Variants in PRKN observed in about 807,000 individuals in gnomAD.
PRKN encodes parkin RBR E3 ubiquitin protein ligase, also known as E3 ubiquitin-protein ligase parkin.
A neutral mutation model predicts 59.5 loss-of-function variants in PRKN; 56 were observed. The observed-to-expected ratio is 0.94, with a 90% CI of 0.76 to 1.18. PRKN has a LOEUF of 1.18. Ranked by LOEUF, PRKN falls within the 50% of genes most tolerant of loss-of-function variation. The pLI is 0.00. For missense variants in PRKN, 657 were observed against 596.4 expected (o/e 1.10, Z -1.06); for synonymous variants, 250 against 222.1 (o/e 1.13, Z -1.12).
chr6:162,505,900 G>C (rs1485298124), intron 1 of PRKN, among the ~76,000 whole-genome samples: 1 of 152,194 alleles, frequency 6.6e-6, no homozygotes, highest in Non-Finnish European at 1.5e-5. Flanking sequence ...GCACAGCCAA[G>C]TCAGTGTTTC....
rs764228296 is a variant in PRKN, at chr6:161,458,232, T to G, written c.1084-71355A>C. ...GCTAAAGAAGGCCTGGTGTCTCTGC[T>G]GCCACTTACAGATTTCAGAAACGTG... On this transcript the variant is annotated intron_variant, in intron 9 of 11. Transcript: ENST00000366898. The surrounding 1 kb of genome is among the most constrained non-coding windows in gnomAD (Gnocchi z 6.1). Among the ~76,000 whole-genome samples, 6 of 152,228 alleles carry G rather than the reference T, an allele frequency of 3.9e-5. No homozygotes were observed. Among genetic ancestry groups the G allele is most frequent in the Non-Finnish European group, 8.8e-5 (6 of 68,046 alleles).
intron 4 of PRKN, among the ~76,000 whole-genome samples, chr6:162,186,519 C>T (rs1784041561): frequency 6.6e-6 from 1 of 152,050 alleles, no homozygotes; most frequent in African/African-American, 2.4e-5. Context: ...GGAAAGACTC[C>T]ACTCAGAGAG....
At chr6:161,494,497 G>T (rs1777671833) in intron 9 of PRKN, among the ~76,000 whole-genome samples, 1 of 152,224 alleles carries the variant, frequency 6.6e-6, no homozygotes, top group African/African-American at 2.4e-5. Flanking sequence ...TTTCTATGAA[G>T]TTTAATGATC....
At chr6:161,758,043 T>C (rs925356134) in intron 7 of PRKN, among the ~76,000 whole-genome samples, 2 of 150,588 alleles carry the variant, frequency 1.3e-5, no homozygotes, top group Non-Finnish European at 1.5e-5. Flanking sequence ...ACACACTTAA[T>C]GGAATGTGAA....
intron 6 of PRKN, among the ~76,000 whole-genome samples, chr6:161,825,403 T>C (rs556182809): frequency 6.6e-6 from 1 of 152,318 alleles, no homozygotes. Flanking sequence ...AAATCTGAAC[T>C]TGTCTCTGCT....
rs117873194 is a variant in PRKN at position 162,007,406 on chromosome 6, A to C, written c.619-33989T>G. Among the ~76,000 whole-genome samples the C allele has an allele frequency of 6.8e-3, 1,037 of 152,326 alleles. 10 individuals carry two copies. Among genetic ancestry groups the C allele is most frequent in the Non-Finnish European group, 0.011 (775 of 68,036 alleles). On this transcript the variant is annotated intron_variant, in intron 5 of 11. Transcript: ENST00000366898. ...AGGCAAGAAATCAAAACTGTTGAAA[A>C]AACTTCACCGTCCCAGAGTATAATG...
intron 2 of PRKN, among the ~76,000 whole-genome samples, chr6:162,311,639 T>C (rs1029713078): frequency 6.6e-6 from 1 of 151,804 alleles, no homozygotes; most frequent in Admixed American, 6.6e-5. Flanking sequence ...CGTACCACCA[T>C]GCCCAGCTAA....
At position 161,414,282 on chromosome 6, in the gene PRKN, C is replaced by T. The variant is rs1787735072; in HGVS notation, c.1084-27405G>A. Among the ~76,000 whole-genome samples, 1 of 152,012 alleles carries T rather than the reference C, an allele frequency of 6.6e-6. No individual in the cohort carries two copies. The highest frequency in any genetic ancestry group is 2.4e-5 in the African/African-American group (1 of 41,372). On this transcript the variant is annotated intron_variant, in intron 9 of 11. Coordinates refer to ENST00000366898, the MANE Select transcript of PRKN (RefSeq NM_004562.3). The surrounding 1 kb of genome is among the most constrained non-coding windows in gnomAD (Gnocchi z 5.3). ...CTTCTCCGGAAGGCTGGAGGGTGTT[C>T]AGCGTTGTTTGTCACAGGCAGCGGC...
intron 1 of PRKN, among the ~76,000 whole-genome samples, chr6:162,642,291 G>T (rs886769256): frequency 6.6e-6 from 1 of 151,998 alleles, no homozygotes; most frequent in African/African-American, 2.4e-5. Flanking sequence ...AAATGAACAC[G>T]TTTAATGATA....
At chr6:162,191,083 A>G (rs1784258711) in intron 4 of PRKN, among the ~76,000 whole-genome samples, 2 of 152,250 alleles carry the variant, frequency 1.3e-5, no homozygotes, top group South Asian at 4.1e-4. Flanking sequence ...AATAGGGCAT[A>G]GAACAGCAGG....
At chr6:162,295,158 C>G (rs768389406) in intron 2 of PRKN, among the ~76,000 whole-genome samples, 1 of 152,164 alleles carries the variant, frequency 6.6e-6, no homozygotes, top group African/African-American at 2.4e-5. Flanking sequence ...GGGGCTTGTG[C>G]GTGACAACAT....
Position 161,442,512 on chromosome 6 carries a change from C to T in PRKN, c.1084-55635G>A, listed in dbSNP as rs1357140218. On this transcript the variant is annotated intron_variant, in intron 9 of 11. Transcript: ENST00000366898. This position sits in a 1 kb window ranked among gnomAD's most constrained non-coding sequence, Gnocchi z 4.6. ...TCTTTTGGATAATTCACATGACCTTCTCCTTAGTGGGCGAGTACAAGAAGG... is the reference window on the plus strand; with the variant it reads ...TCTTTTGGATAATTCACATGACCTTTTCCTTAGTGGGCGAGTACAAGAAGG... Among the ~76,000 whole-genome samples, 2 of 152,342 alleles carry T rather than the reference C, an allele frequency of 1.3e-5. No homozygotes were observed. The highest frequency in any genetic ancestry group is 1.3e-4 in the Admixed American group (2 of 15,306).
chr6:162,049,175 G>A (rs1423761284), intron 5 of PRKN, among the ~76,000 whole-genome samples: 1 of 151,846 alleles, frequency 6.6e-6, no homozygotes, highest in African/African-American at 2.4e-5. Context: ...ATCTTTAAGG[G>A]TATAAATATT....
At chr6:162,024,524 T>C (rs904608744) in intron 5 of PRKN, among the ~76,000 whole-genome samples, 1 of 152,184 alleles carries the variant, frequency 6.6e-6, no homozygotes, top group African/African-American at 2.4e-5. Context: ...AATTTTTACA[T>C]TTACCACTTT....
chr6:162,199,422 G>C (rs1389973097), intron 4 of PRKN, among the ~76,000 whole-genome samples: 1 of 152,124 alleles, frequency 6.6e-6, no homozygotes, highest in Non-Finnish European at 1.5e-5. Context: ...ACCAGATAAT[G>C]CCTGAAAAGA....
At chr6:162,701,331 GAAGAT>G (rs1778144709) in intron 1 of PRKN, among the ~76,000 whole-genome samples, 1 of 152,000 alleles carries the variant, frequency 6.6e-6, no homozygotes, top group Non-Finnish European at 1.5e-5. Flanking sequence ...TATTGCACAA[GAAGAT>G]AAGAATTAAA....
At chr6:162,321,349 T>G (rs952230010) in intron 2 of PRKN, among the ~76,000 whole-genome samples, 1 of 151,908 alleles carries the variant, frequency 6.6e-6, no homozygotes, top group Non-Finnish European at 1.5e-5. Context: ...AAAACTTGAA[T>G]AGACTTATGT....
At chr6:162,159,368 T>C (rs773348493) in intron 4 of PRKN, among the ~76,000 whole-genome samples, 10 of 152,202 alleles carry the variant, frequency 6.6e-5, no homozygotes, top group Non-Finnish European at 1.3e-4. Flanking sequence ...ATTTTAAAAA[T>C]AACATTTGCA....
intron 4 of PRKN, among the ~76,000 whole-genome samples, chr6:162,184,488 T>C (rs1485482416): frequency 6.6e-6 from 1 of 152,140 alleles, no homozygotes; most frequent in Admixed American, 6.6e-5. Flanking sequence ...TAAGTTCTCA[T>C]GAGATCTGAT....
Sources: gnomAD v4.1 joint callset for allele counts (sites outside exome capture counted in the v4.1 genomes callset) on GRCh38, gnomAD v4.1.1 for gene constraint, Gnocchi (gnomAD v3.1) non-coding constraint, MANE v1.5 for transcripts, NCBI Gene and HGNC (gene_info 2026-07-23, HGNC 2026-07-21) for gene names.